Variants in DUS2 observed in about 807,000 individuals in gnomAD.
DUS2 encodes dihydrouridine synthase 2, also known as tRNA-dihydrouridine(20) synthase [NAD(P)+]-like.
Under a neutral mutation model 71.3 loss-of-function variants are expected in DUS2, and 52 were observed. The ratio of observed to expected loss-of-function variants is 0.73; its 90% confidence interval spans 0.58 to 0.92. The LOEUF is 0.92. Among genes scored for constraint, DUS2 ranks in the 40% least tolerant of loss-of-function variants. DUS2 has a pLI of 0.00. For synonymous variants in DUS2, 204 were observed against 227.8 expected (o/e 0.90, Z 0.94); for missense variants, 558 against 622.6 (o/e 0.90, Z 1.10).
chr16:68,025,582 T>C (rs1764402777), intron 2 of DUS2, 88 bp downstream of exon 2: 2 of 152,162 alleles, frequency 1.3e-5, no homozygotes, highest in Admixed American at 6.6e-5. Context: ...CTCATTATGC[T>C]TGAGTCCTTA....
chr16:68,060,342 C>G (rs1399079594), intron 7 of DUS2, among the ~76,000 whole-genome samples: 4 of 152,116 alleles, frequency 2.6e-5, no homozygotes, highest in Non-Finnish European at 5.9e-5. Flanking sequence ...GAGATGGAGT[C>G]TTGCCCTGTC....
chr16:68,030,312 G>A (rs1161518570), intron 2 of DUS2, among the ~76,000 whole-genome samples: 4 of 151,898 alleles, frequency 2.6e-5, no homozygotes, highest in Non-Finnish European at 5.9e-5. Context: ...CCCCACCGGA[G>A]GCCAGGAGTG....
At chr16:68,051,806 A>G (rs2033782404) in intron 4 of DUS2, among the ~76,000 whole-genome samples, 1 of 152,134 alleles carries the variant, frequency 6.6e-6, no homozygotes, top group African/African-American at 2.4e-5. Flanking sequence ...CTTATTCAAG[A>G]TGTGTATTTT....
chr16:68,047,058 T>C (rs1039190191), intron 3 of DUS2, among the ~76,000 whole-genome samples: 6 of 139,862 alleles, frequency 4.3e-5, no homozygotes, highest in African/African-American at 1.3e-4. Flanking sequence ...CCTTTTTTTT[T>C]TTTTTTTTTT....
At chr16:68,061,137 A>G in intron 8 of DUS2, 24 bp downstream of exon 8, 1 of 1,613,320 alleles carries the variant, frequency 6.2e-7, no homozygotes. Context: ...GAGTGAAAGC[A>G]GGGGTCCTCA....
At chr16:68,041,763 G>T (rs2033628270) in intron 3 of DUS2, among the ~76,000 whole-genome samples, 2 of 149,270 alleles carry the variant, frequency 1.3e-5, no homozygotes, top group African/African-American at 5.0e-5. Flanking sequence ...AATGTGCCCA[G>T]TGCGCCATTG....
intron 11 of DUS2, 45 bp downstream of exon 11, chr16:68,070,265 A>AC: frequency 6.4e-7 from 1 of 1,570,436 alleles, no homozygotes; most frequent in Non-Finnish European, 8.8e-7. Flanking sequence ...CCACAGAGCT[A>AC]AGGGCTGGGT....
chr16:68,058,173 G>A (rs1173925941), intron 7 of DUS2, among the ~76,000 whole-genome samples: 4 of 151,698 alleles, frequency 2.6e-5, no homozygotes, highest in Non-Finnish European at 4.4e-5. Context: ...CTGCAGGATC[G>A]AAAACCTTGG....
At chr16:68,033,067 C>T (rs951657395) in intron 2 of DUS2, among the ~76,000 whole-genome samples, 5 of 151,996 alleles carry the variant, frequency 3.3e-5, no homozygotes, top group African/African-American at 4.8e-5. Flanking sequence ...TTCCTAAAGT[C>T]AGTGGGAAGC....
intron 3 of DUS2, among the ~76,000 whole-genome samples, chr16:68,039,007 TG>T (rs1414829191): frequency 2.6e-5 from 4 of 152,010 alleles, no homozygotes; most frequent in Non-Finnish European, 2.9e-5. Flanking sequence ...GAGACCAGCC[TG>T]GGCAACGTAG....
chr16:68,070,615 C>G (rs1374821051), intron 11 of DUS2, among the ~76,000 whole-genome samples: 1 of 152,184 alleles, frequency 6.6e-6, no homozygotes, highest in Non-Finnish European at 1.5e-5. Flanking sequence ...TGGGGGTTTT[C>G]CTGTAGCCCC....
intron 3 of DUS2, among the ~76,000 whole-genome samples, chr16:68,047,569 C>T (rs201363935): frequency 4.6e-5 from 7 of 151,366 alleles, no homozygotes; most frequent in Admixed American, 2.0e-4. Flanking sequence ...CTGCAACCTC[C>T]GCCTCCCTGG....
Position 68,070,122 on chromosome 16 carries a change from TC to T in DUS2, c.555-11del, listed in dbSNP as rs1489878521. 7 of 1,613,786 alleles carry T rather than the reference TC, an allele frequency of 4.3e-6. No individual in the cohort carries two copies. Among genetic ancestry groups the T allele is most frequent in the Non-Finnish European group, 5.9e-6 (7 of 1,179,722 alleles). ...GGTGCTTAGCCCTCAGCCCCATCTT[TC>T]TATCTCCAAGGAAGCGGGAGGAGCG... On this transcript the variant is annotated splice_polypyrimidine_tract_variant and intron_variant, in intron 10 of 16. Coordinates refer to ENST00000565263, the MANE Select transcript of DUS2 (RefSeq NM_017803.5).
intron 2 of DUS2, among the ~76,000 whole-genome samples, chr16:68,034,418 A>T (rs139037479): frequency 6.6e-6 from 1 of 151,994 alleles, no homozygotes; most frequent in Non-Finnish European, 1.5e-5. Flanking sequence ...GGATTTTGCT[A>T]TGTTGGTCAG....
chr16:68,068,765 T>G (rs1481189541), intron 10 of DUS2, among the ~76,000 whole-genome samples: 1 of 147,812 alleles, frequency 6.8e-6, no homozygotes, highest in Non-Finnish European at 1.5e-5. Context: ...TTTTTTTTTT[T>G]TTTTTTGTAT....
intron 10 of DUS2, among the ~76,000 whole-genome samples, chr16:68,069,684 G>C (rs982346653): frequency 6.6e-6 from 1 of 152,204 alleles, no homozygotes; most frequent in African/African-American, 2.4e-5. Flanking sequence ...GTGCAACTTG[G>C]CTTTGGCATT....
chr16:68,024,386 A>G (rs971425498), intron 1 of DUS2, among the ~76,000 whole-genome samples: 6 of 152,118 alleles, frequency 3.9e-5, no homozygotes, highest in Non-Finnish European at 5.9e-5. Context: ...AGCGTGAGCC[A>G]CCATGCCCAA....
intron 7 of DUS2, among the ~76,000 whole-genome samples, chr16:68,059,182 C>T (rs1435876506): frequency 6.6e-6 from 1 of 152,014 alleles, no homozygotes; most frequent in African/African-American, 2.4e-5. Context: ...CACTGCAGTC[C>T]ACCCTGGGCC....
At chr16:68,068,831 C>T (rs374868775) in intron 10 of DUS2, among the ~76,000 whole-genome samples, 1 of 150,982 alleles carries the variant, frequency 6.6e-6, no homozygotes, top group East Asian at 2.0e-4. Context: ...AACTCCTAAC[C>T]TCAAATAATC....
Sources: allele counts gnomAD v4.1 joint callset (sites outside exome capture counted in the v4.1 genomes callset), GRCh38; gene constraint gnomAD v4.1.1; transcripts MANE v1.5; gene names NCBI Gene and HGNC (gene_info 2026-07-23, HGNC 2026-07-21).